PALM2AKAP2: variants seen among roughly 807,000 people sequenced by gnomAD.
PALM2AKAP2 encodes the protein PALM2 and AKAP2 fusion, also known as PALM2-AKAP2 fusion protein.
Under a neutral mutation model 71.5 loss-of-function variants are expected in PALM2AKAP2, and 37 were observed. The observed-to-expected ratio is 0.52, with a 90% CI of 0.40 to 0.68. The LOEUF is 0.68. Among genes scored for constraint, PALM2AKAP2 ranks in the 30% least tolerant of loss-of-function variants. The pLI, the probability that PALM2AKAP2 is intolerant of heterozygous loss-of-function variation, is 0.00. For synonymous variants in PALM2AKAP2, 468 were observed against 478.8 expected, an observed-to-expected ratio of 0.98 and a Z score of 0.29; for missense variants, 1,224 against 1,191.8, an observed-to-expected ratio of 1.03 and a Z score of -0.40.
intron 1 of PALM2AKAP2, among the ~76,000 whole-genome samples, chr9:110,074,007 T>C (rs1271948115): frequency 6.6e-6 from 1 of 152,196 alleles, no homozygotes; most frequent in Non-Finnish European, 1.5e-5. Flanking sequence ...AATAATCAAA[T>C]CTAACACCAT....
chr9:110,031,762 A>G (rs995323176), intron 7 of PALM2AKAP2, among the ~76,000 whole-genome samples: 3 of 152,172 alleles, frequency 2.0e-5, no homozygotes, highest in African/African-American at 7.2e-5. Context: ...GAATAATGAG[A>G]TGATGCTGGT....
At chr9:109,704,594 AGCCAGAGG>A (rs1236344328) in intron 1 of PALM2AKAP2, among the ~76,000 whole-genome samples, 1 of 152,118 alleles carries the variant, frequency 6.6e-6, no homozygotes, top group African/African-American at 2.4e-5. Flanking sequence ...GGCTACAGGG[AGCCAGAGG>A]GTGGCCCCTG....
At chr9:109,943,239 A>G in intron 6 of PALM2AKAP2, 2 of 1,614,238 alleles carry the variant, frequency 1.2e-6, no homozygotes, top group Non-Finnish European at 1.7e-6. Context: ...ATGAGAAGTC[A>G]TTGAGGGAGA....
At chr9:110,016,838 A>C (rs1832987798) in intron 7 of PALM2AKAP2, among the ~76,000 whole-genome samples, 1 of 152,212 alleles carries the variant, frequency 6.6e-6, no homozygotes, top group South Asian at 2.1e-4. Context: ...TTTCTTTGAA[A>C]AATAAGAAGT....
intron 2 of PALM2AKAP2, among the ~76,000 whole-genome samples, chr9:109,874,064 T>G (rs1011097199): frequency 1.6e-4 from 24 of 152,252 alleles, no homozygotes; most frequent in African/African-American, 5.5e-4. Flanking sequence ...TTAGATGATC[T>G]CTGTGATCTT....
chr9:109,824,166 G>A lies in PALM2AKAP2; in HGVS notation c.46-43325G>A, dbSNP rs113088551. 3.7e-3 allele frequency among the ~76,000 whole-genome samples: 559 copies of A among 152,312 alleles called. 3 individuals are homozygous for A. Among genetic ancestry groups the A allele is most frequent in the African/African-American group, 0.011 (467 of 41,562 alleles). ...TGCCTCCCAAAGCCCTAGGATTACAGGTGTGAGCCACTGTGCCCAGCTGAA... is the reference window on the plus strand; with the variant it reads ...TGCCTCCCAAAGCCCTAGGATTACAAGTGTGAGCCACTGTGCCCAGCTGAA... On this transcript the variant is annotated intron_variant, in intron 1 of 9. Coordinates refer to the PALM2AKAP2 transcript ENST00000302798.
At chr9:109,905,861 G>A (rs1044302593) in intron 3 of PALM2AKAP2, among the ~76,000 whole-genome samples, 1 of 152,132 alleles carries the variant, frequency 6.6e-6, no homozygotes, top group African/African-American at 2.4e-5. Flanking sequence ...ATGGTGGCAG[G>A]TTCCTGTAAT....
intron 1 of PALM2AKAP2, among the ~76,000 whole-genome samples, chr9:110,096,792 G>T (rs934685261): frequency 2.0e-3 from 300 of 150,622 alleles, no homozygotes; most frequent in Non-Finnish European, 3.4e-3. Context: ...TGGGGGGTTG[G>T]GGGGGGGTGA....
At chr9:109,955,280 G>T (rs1196793519) in intron 6 of PALM2AKAP2, among the ~76,000 whole-genome samples, 1 of 152,158 alleles carries the variant, frequency 6.6e-6, no homozygotes, top group Non-Finnish European at 1.5e-5. Flanking sequence ...TTTTAGTTTT[G>T]AACAGGCTAC....
At chr9:109,930,572 A>G (rs920237441) in intron 5 of PALM2AKAP2, among the ~76,000 whole-genome samples, 2 of 152,236 alleles carry the variant, frequency 1.3e-5, no homozygotes, top group East Asian at 3.9e-4. Context: ...TATGAACATA[A>G]TGGTCTAATG....
chr9:110,135,188 T>A lies in PALM2AKAP2; in HGVS notation c.157-939T>A, dbSNP rs186281169. ...AAATATATAAATATATATATATATA[T>A]AAATCAGCCAGGGGTGATGGCACAC... is the stretch of plus-strand genomic sequence containing the variant. On this transcript the variant is annotated intron_variant, in intron 1 of 3. Transcript: ENST00000374525. Among the ~76,000 whole-genome samples, 83 of 93,438 alleles carry A rather than the reference T, an allele frequency of 8.9e-4. 3 individuals are homozygous for A. The highest frequency in any genetic ancestry group is 3.1e-3 in the African/African-American group (70 of 22,442). The allele number at this position is 93,438 out of a possible 152,430, so 61.3% of individuals were successfully genotyped here.
intron 1 of PALM2AKAP2, among the ~76,000 whole-genome samples, chr9:110,115,058 C>T (rs1835334530): frequency 6.6e-6 from 1 of 152,232 alleles, no homozygotes; most frequent in African/African-American, 2.4e-5. Context: ...AAATTCCATG[C>T]TTTCCTTCTC....
intron 1 of PALM2AKAP2, among the ~76,000 whole-genome samples, chr9:109,794,654 G>A (rs1827202157): frequency 6.6e-6 from 1 of 152,166 alleles, no homozygotes; most frequent in Admixed American, 6.5e-5. Context: ...CCCATGGCCA[G>A]TGGTAGCAGG....
intron 1 of PALM2AKAP2, among the ~76,000 whole-genome samples, chr9:110,111,635 G>A (rs961791096): frequency 6.6e-6 from 1 of 152,208 alleles, no homozygotes; most frequent in Non-Finnish European, 1.5e-5. Context: ...TGCACCATCT[G>A]CACCAATTCT....
intron 1 of PALM2AKAP2, among the ~76,000 whole-genome samples, chr9:109,726,789 A>G (rs1036895306): frequency 2.6e-5 from 4 of 152,246 alleles, no homozygotes; most frequent in Non-Finnish European, 5.9e-5. Flanking sequence ...GCTACTAGGC[A>G]TGCATGGCTA....
At chr9:109,881,876 C>CTTTT (rs565835467) in intron 3 of PALM2AKAP2, among the ~76,000 whole-genome samples, 21 of 95,114 alleles carry the variant, frequency 2.2e-4, no homozygotes, top group Non-Finnish European at 3.4e-4. Flanking sequence ...CTTATGAGCT[C>CTTTT]TTTTTTTTTT....
exon 3 of PALM2AKAP2, chr9:110,156,418 C>G: frequency 6.2e-7 from 1 of 1,613,108 alleles, no homozygotes; most frequent in African/African-American, 1.3e-5. Flanking sequence ...ACCCAGCGGC[C>G]CAAGAATCTG....
rs147609930 is a variant in PALM2AKAP2, at chr9:109,661,606, C to T, written c.5+20740C>T. Among the ~76,000 whole-genome samples, 718 of 152,276 alleles carry T rather than the reference C, an allele frequency of 4.7e-3. 9 individuals carry two copies. Among genetic ancestry groups the T allele is most frequent in the African/African-American group, 0.016 (684 of 41,550 alleles). On this transcript the variant is annotated intron_variant, in intron 1 of 6. Transcript: ENST00000374531. Reference sequence around the variant, plus strand: ...TTGAAGTCAGGTAGCGTGATGCCTCCAGCTTTGTGCTTTTTGCTTAGGATT... The same window carrying T: ...TTGAAGTCAGGTAGCGTGATGCCTCTAGCTTTGTGCTTTTTGCTTAGGATT...
intron 1 of PALM2AKAP2, among the ~76,000 whole-genome samples, chr9:110,076,722 C>T (rs1296151803): frequency 6.6e-6 from 1 of 151,958 alleles, no homozygotes; most frequent in Non-Finnish European, 1.5e-5. Flanking sequence ...CCAAATCATG[C>T]ACACATGATG....
Sources: gnomAD v4.1 joint callset for allele counts (sites outside exome capture counted in the v4.1 genomes callset) on GRCh38, gnomAD v4.1.1 for gene constraint, MANE v1.5 for transcripts, NCBI Gene and HGNC (gene_info 2026-07-23, HGNC 2026-07-21) for gene names.